The following PTPRN2 variants were observed in gnomAD, a reference collection of about 807,000 sequenced individuals.
The protein encoded by PTPRN2 is receptor-type tyrosine-protein phosphatase N2.
In PTPRN2, 74 loss-of-function variants were observed where a neutral mutation model predicts 118.8. The observed-to-expected ratio is 0.62, with a 90% confidence interval of 0.52 to 0.76. The LOEUF (loss-of-function observed/expected upper bound fraction) is 0.76. PTPRN2 is among the 30% of genes least tolerant of loss of function. The probability of loss-of-function intolerance (pLI) is 0.00; values close to 1 mark genes in which losing one functional copy is unlikely to be tolerated. For synonymous variants in PTPRN2, 641 were observed against 608.0 expected (o/e 1.05, Z -0.80); for missense variants, 1,481 against 1,394.4 (o/e 1.06, Z -0.99).
At chr7:157,928,704 TA>T (rs1372507297) in intron 11 of PTPRN2, among the ~76,000 whole-genome samples, 3 of 13,596 alleles carry the variant, frequency 2.2e-4, no homozygotes, top group Admixed American at 2.3e-3. Context: ...GAGGGCGGGA[TA>T]GGGGTGGGGT....
At chr7:158,323,581 T>C (rs1323557685) in intron 2 of PTPRN2, among the ~76,000 whole-genome samples, 1 of 152,198 alleles carries the variant, frequency 6.6e-6, no homozygotes, top group East Asian at 1.9e-4. Context: ...TTTCTTTCAT[T>C]TGAAAGAAAA....
intron 11 of PTPRN2, among the ~76,000 whole-genome samples, chr7:157,955,713 C>T (rs571164031): frequency 6.6e-6 from 1 of 152,288 alleles, no homozygotes; most frequent in South Asian, 2.1e-4. Context: ...AAGGCGGCAC[C>T]GCAGCTCAGC....
Position 157,893,925 on chromosome 7 carries a change from C to G in PTPRN2, c.1788+4748G>C, listed in dbSNP as rs988764768. ...AGATGGCCGTCGCGCCCAGTGAGAG[C>G]AGAAAGCAATGCAGGGGACGGCTGG... On this transcript the variant is annotated intron_variant, in intron 12 of 22. Coordinates refer to ENST00000389418, the MANE Select transcript of PTPRN2 (RefSeq NM_002847.5). This position sits in a 1 kb window ranked among gnomAD's most constrained non-coding sequence, Gnocchi z 4.0. 2.0e-5 allele frequency among the ~76,000 whole-genome samples: 3 copies of G among 152,130 alleles called. No individual in the cohort carries two copies. Among genetic ancestry groups the G allele is most frequent in the Non-Finnish European group, 2.9e-5 (2 of 68,026 alleles).
At chr7:158,134,327 C>A (rs1406734909) in intron 8 of PTPRN2, among the ~76,000 whole-genome samples, 1 of 152,178 alleles carries the variant, frequency 6.6e-6, no homozygotes, top group African/African-American at 2.4e-5. Context: ...CACACACACA[C>A]CTCTCTGAAG....
At chr7:158,006,541 CG>C (rs1718424397) in intron 11 of PTPRN2, among the ~76,000 whole-genome samples, 1 of 152,234 alleles carries the variant, frequency 6.6e-6, no homozygotes, top group Non-Finnish European at 1.5e-5. Flanking sequence ...AGGGAAGAGC[CG>C]CCCGGGATGC....
rs1002021573 is a variant in PTPRN2 at position 158,166,035 on chromosome 7, G to A, written c.910+896C>T. 4.6e-5 allele frequency among the ~76,000 whole-genome samples: 7 copies of A among 152,076 alleles called. No homozygotes were observed. In the East Asian group the frequency reaches 9.6e-4, roughly 21 times the overall value. The stretch of plus-strand genomic sequence containing the variant: ...GGCCACAGGGAGAGGTGAGTTCAGC[G>A]ACAAAGGACACTGGACTTAACGTGT... On this transcript the variant is annotated intron_variant, in intron 6 of 22. Coordinates refer to ENST00000389418, the MANE Select transcript of PTPRN2 (RefSeq NM_002847.5).
At chr7:158,041,862 T>A (rs989890978) in intron 11 of PTPRN2, among the ~76,000 whole-genome samples, 2 of 152,174 alleles carry the variant, frequency 1.3e-5, no homozygotes, top group South Asian at 4.1e-4. Flanking sequence ...CAATCACACT[T>A]CTTCCTACCC....
At chr7:157,638,695 G>A (rs1173284465) in intron 14 of PTPRN2, among the ~76,000 whole-genome samples, 1 of 152,254 alleles carries the variant, frequency 6.6e-6, no homozygotes, top group Non-Finnish European at 1.5e-5. Flanking sequence ...ATGCCCGCTG[G>A]CATTCCCAGG....
At chr7:158,158,546 C>G (rs1194514447) in intron 6 of PTPRN2, among the ~76,000 whole-genome samples, 2 of 149,774 alleles carry the variant, frequency 1.3e-5, no homozygotes, top group East Asian at 3.9e-4. Context: ...TGAGTGAACT[C>G]AGGAGAATCA....
intron 2 of PTPRN2, among the ~76,000 whole-genome samples, chr7:158,476,012 G>A (rs1820231530): frequency 6.6e-6 from 1 of 152,130 alleles, no homozygotes; most frequent in Non-Finnish European, 1.5e-5. Context: ...CCCGCCATTT[G>A]TTTGTTGGTT....
chr7:157,718,426 C>T (rs1208715176), intron 12 of PTPRN2, among the ~76,000 whole-genome samples: 5 of 152,198 alleles, frequency 3.3e-5, no homozygotes, highest in South Asian at 2.1e-4. Context: ...TCTGATTCTA[C>T]GGTGGCTTCA....
chr7:157,599,891 ACCTCTCCACCTGCC>A (rs1279267183), intron 16 of PTPRN2, among the ~76,000 whole-genome samples: 73 of 111,766 alleles, frequency 6.5e-4, no homozygotes, highest in African/African-American at 2.6e-3. Flanking sequence ...CCACCTGCCC[ACCTCTCCACCTGCC>A]CCTCTCCACC....
chr7:158,487,141 T>C (rs1821090878), intron 2 of PTPRN2, among the ~76,000 whole-genome samples: 1 of 152,226 alleles, frequency 6.6e-6, no homozygotes, highest in Non-Finnish European at 1.5e-5. Flanking sequence ...TATTCCATCA[T>C]GTGGATGGAC....
rs1243268113 is a variant in PTPRN2 at position 158,330,881 on chromosome 7, ACCCAAACTCTCACCAT to A, written c.164-13965_164-13950del. ...GCTGATGCCCGCAGACGTCATTCAC[ACCCAAACTCTCACCAT>A]AAGAGCTGACACCTGCAGACGTCAC... On this transcript the variant is annotated intron_variant, in intron 2 of 22. Transcript: ENST00000389418. 5.0e-4 allele frequency among the ~76,000 whole-genome samples: 52 copies of A among 103,108 alleles called. 4 individuals are homozygous for A. The highest frequency in any genetic ancestry group is 1.8e-3 in the African/African-American group (51 of 28,338). The allele number at this position is 103,108 out of a possible 152,430, so 67.6% of individuals were successfully genotyped here.
At chr7:158,002,793 C>T (rs2128861153) in intron 11 of PTPRN2, among the ~76,000 whole-genome samples, 1 of 152,326 alleles carries the variant, frequency 6.6e-6, no homozygotes, top group East Asian at 1.9e-4. Flanking sequence ...CAAAGCTCAG[C>T]AGGTCCACGG....
At chr7:158,183,953 GA>G (rs936264661) in intron 5 of PTPRN2, among the ~76,000 whole-genome samples, 3 of 151,566 alleles carry the variant, frequency 2.0e-5, no homozygotes, top group Admixed American at 6.6e-5. Context: ...CCACTGTCTT[GA>G]AAAAAAATGC....
At chr7:157,569,942 C>T (rs1460872726) in intron 20 of PTPRN2, among the ~76,000 whole-genome samples, 5 of 152,248 alleles carry the variant, frequency 3.3e-5, no homozygotes, top group Admixed American at 6.5e-5. Context: ...ATCACACTTT[C>T]GGTTCTGCTT....
At chr7:158,046,568 C>A (rs1808895246) in intron 11 of PTPRN2, among the ~76,000 whole-genome samples, 1 of 152,248 alleles carries the variant, frequency 6.6e-6, no homozygotes, top group Non-Finnish European at 1.5e-5. Flanking sequence ...CAGCACCACA[C>A]CTTCCACCAT....
rs1185707967 is a variant in PTPRN2, at chr7:158,398,040, T to C, written c.164-81108A>G. On this transcript the variant is annotated intron_variant, in intron 2 of 22. Transcript: ENST00000389418. ...CCCACTGATCCTGAGGCTGGGAAAA[T>C]TTGCAGACTCGAAGATTCTGTAGTG... Among the ~76,000 whole-genome samples, 2 of 151,986 alleles carry C rather than the reference T, an allele frequency of 1.3e-5. 1 individual carries two copies. Among genetic ancestry groups the C allele is most frequent in the South Asian group, 4.2e-4 (2 of 4,814 alleles).
Sources: allele counts gnomAD v4.1 joint callset (sites outside exome capture counted in the v4.1 genomes callset), GRCh38; gene constraint gnomAD v4.1.1; non-coding constraint Gnocchi (gnomAD v3.1); transcripts MANE v1.5; gene names NCBI Gene and HGNC (gene_info 2026-07-23, HGNC 2026-07-21).